Variants in SEC14L1 observed in about 807,000 individuals in gnomAD.
SEC14L1 encodes SEC14 like lipid binding 1.
A neutral mutation model predicts 85.3 loss-of-function variants in SEC14L1; 48 were observed. The observed-to-expected ratio is 0.56, with a 90% CI of 0.45 to 0.72. The LOEUF is 0.72. Among genes scored for constraint, SEC14L1 ranks in the 30% least tolerant of loss-of-function variants. The pLI is 0.00. For missense variants in SEC14L1, 682 were observed against 921.4 expected (o/e 0.74, Z 3.36); for synonymous variants, 391 against 355.5 (o/e 1.10, Z -1.12).
At chr17:77,143,792 A>G in intron 3 of SEC14L1, 133 bp downstream of exon 3, 1 of 657,232 alleles carries the variant, frequency 1.5e-6, no homozygotes, top group East Asian at 2.8e-5. Context: ...ATGCTTATGA[A>G]CCGTATCTAG....
intron 3 of SEC14L1, among the ~76,000 whole-genome samples, chr17:77,167,740 G>A (rs1219856512): frequency 6.6e-5 from 10 of 152,292 alleles, no homozygotes; most frequent in Admixed American, 4.6e-4. Flanking sequence ...TGAGCAAGGC[G>A]GGAAGTTTTA....
Position 77,144,164 on chromosome 17 carries a change from A to C in SEC14L1, c.63+505A>C, listed in dbSNP as rs1973173695. On this transcript the variant is annotated intron_variant, in intron 3 of 16. Transcript: ENST00000436233. ...GAATTTGGCTGAAAATAAGCATTTT[A>C]CTAGATGCAAAGCAAACCTTTTCCA... Among the ~76,000 whole-genome samples, 4 of 152,256 alleles carry C rather than the reference A, an allele frequency of 2.6e-5. No homozygotes were observed. In the South Asian group the frequency reaches 8.3e-4, roughly 31 times the overall value.
intron 2 of SEC14L1, among the ~76,000 whole-genome samples, chr17:77,091,693 A>G (rs772839674): frequency 8.6e-5 from 13 of 151,884 alleles, no homozygotes; most frequent in Admixed American, 3.3e-4. Context: ...GGCACACAGA[A>G]CCCTTTTGCA....
At chr17:77,141,254 C>T (rs1362854994) in intron 1 of SEC14L1, 147 bp downstream of exon 1, 3 of 146,580 alleles carry the variant, frequency 2.0e-5, no homozygotes, top group Non-Finnish European at 4.6e-5. Flanking sequence ...TGCCATCGGC[C>T]CGGCACCCGA....
intron 3 of SEC14L1, among the ~76,000 whole-genome samples, chr17:77,168,510 A>G (rs549926209): frequency 9.4e-4 from 143 of 152,314 alleles, no homozygotes; most frequent in Admixed American, 2.4e-3. Context: ...GTTAATATTG[A>G]AGTCATAATC....
chr17:77,203,665 G>T lies in SEC14L1; in HGVS notation c.1098+7G>T, dbSNP rs751865226. 6.2e-7 allele frequency: 1 copy of T among 1,608,524 alleles called. No individual in the cohort carries two copies. Among genetic ancestry groups the T allele is most frequent in the South Asian group, 1.1e-5 (1 of 90,200 alleles). On this transcript the variant is annotated splice_region_variant and intron_variant, in intron 10 of 16. Coordinates refer to ENST00000436233, the MANE Select transcript of SEC14L1 (RefSeq NM_001143998.2). ...GGAAGCCCTGCTGAGATACGTAAGT[G>T]CGCGGCTGCGAGACTCCAGGTGCCA...
intron 3 of SEC14L1, among the ~76,000 whole-genome samples, chr17:77,181,561 A>G (rs1434922193): frequency 6.6e-6 from 1 of 152,188 alleles, no homozygotes; most frequent in African/African-American, 2.4e-5. Context: ...ACAGTCATGC[A>G]CCACCATGCC....
intron 8 of SEC14L1, chr17:77,199,131 A>G (rs965283023): frequency 2.0e-5 from 3 of 151,426 alleles, no homozygotes; most frequent in Admixed American, 2.0e-4. Flanking sequence ...CAGCCTCCCA[A>G]GTAGCTGGGA....
chr17:77,100,082 T>C (rs1971732414), intron 3 of SEC14L1, among the ~76,000 whole-genome samples: 1 of 152,236 alleles, frequency 6.6e-6, no homozygotes, highest in African/African-American at 2.4e-5. Flanking sequence ...CCATTTTCCA[T>C]TCCTTCAGCT....
At chr17:77,121,574 A>T (rs551480803) in intron 3 of SEC14L1, among the ~76,000 whole-genome samples, 1 of 151,884 alleles carries the variant, frequency 6.6e-6, no homozygotes, top group African/African-American at 2.4e-5. Context: ...GGCCAGGATG[A>T]TCTCAATCTC....
chr17:77,205,030 G>C (rs2143155810), intron 10 of SEC14L1, among the ~76,000 whole-genome samples: 1 of 152,314 alleles, frequency 6.6e-6, no homozygotes, highest in East Asian at 1.9e-4. Flanking sequence ...ATACCTCTGT[G>C]CTTCACTTTG....
At chr17:77,165,890 C>G (rs961725850) in intron 3 of SEC14L1, among the ~76,000 whole-genome samples, 15 of 152,098 alleles carry the variant, frequency 9.9e-5, no homozygotes, top group Non-Finnish European at 1.5e-5. Context: ...TTATTTGGTG[C>G]ATTTCCAAAG....
At chr17:77,155,503 G>A (rs1973766718) in intron 3 of SEC14L1, among the ~76,000 whole-genome samples, 1 of 152,138 alleles carries the variant, frequency 6.6e-6, no homozygotes, top group Non-Finnish European at 1.5e-5. Flanking sequence ...CTGGTGCCCA[G>A]ATGGGAGCTG....
At chr17:77,197,448 C>A (rs1394679981) in intron 8 of SEC14L1, among the ~76,000 whole-genome samples, 1 of 152,094 alleles carries the variant, frequency 6.6e-6, no homozygotes, top group African/African-American at 2.4e-5. Context: ...TTTTTGTATT[C>A]TTTTTCTTTA....
chr17:77,146,726 A>ACG (rs1820791796), intron 3 of SEC14L1, among the ~76,000 whole-genome samples: 1 of 152,054 alleles, frequency 6.6e-6, no homozygotes, highest in African/African-American at 2.4e-5. Context: ...ACACAGACGC[A>ACG]CACACACGCA....
chr17:77,130,582 C>CA (rs1164860159), intron 3 of SEC14L1, among the ~76,000 whole-genome samples: 2 of 151,996 alleles, frequency 1.3e-5, no homozygotes, highest in Non-Finnish European at 2.9e-5. Context: ...CTCGACCTCC[C>CA]AAAGTGCTGG....
Position 77,203,625 on chromosome 17 carries a change from G to T in SEC14L1, c.1065G>T (p.Val355=). 1 of 1,613,822 alleles carries T rather than the reference G, an allele frequency of 6.2e-7. No individual in the cohort carries two copies. The highest frequency in any genetic ancestry group is 1.1e-5 in the South Asian group (1 of 91,020). ...RLGQMDTKGL[V]RALGEEALLR... ...GGCAGATGGACACCAAAGGCTTGGT[G>T]AGAGCGCTCGGGGAGGAAGCCCTGC... The change falls in exon 10 of 17, where the codon GTG becomes GTT. Residue 355 remains valine (V), a synonymous_variant. Transcript: ENST00000436233.
Position 77,206,364 on chromosome 17 carries a change from G to A in SEC14L1, c.1305G>A (p.Leu435=), listed in dbSNP as rs1976462779. 6.2e-7 allele frequency: 1 copy of A among 1,614,136 alleles called. No homozygotes were observed. Among genetic ancestry groups the A allele is most frequent in the South Asian group, 1.1e-5 (1 of 91,082 alleles). The part of the protein sequence containing the change: ...YPETLGRLLI[L]RAPRVFPVLW... ...AGACACTGGGCCGCCTTCTCATCCT[G>A]CGGGCGCCCAGGGTATTTCCTGTGC... The change falls in exon 12 of 17, where the codon CTG becomes CTA. Residue 435 remains leucine, a synonymous_variant. Coordinates refer to ENST00000436233, the MANE Select transcript of SEC14L1 (RefSeq NM_001143998.2). The surrounding 1 kb of genome is among the most constrained non-coding windows in gnomAD (Gnocchi z 4.3).
chr17:77,154,129 A>G (rs962362781), intron 3 of SEC14L1, among the ~76,000 whole-genome samples: 3 of 152,230 alleles, frequency 2.0e-5, no homozygotes, highest in African/African-American at 7.2e-5. Context: ...CTATTTACAT[A>G]GCATTTACAT....
Sources: allele counts gnomAD v4.1 joint callset (sites outside exome capture counted in the v4.1 genomes callset), GRCh38; gene constraint gnomAD v4.1.1; non-coding constraint Gnocchi (gnomAD v3.1); transcripts MANE v1.5; gene names NCBI Gene and HGNC (gene_info 2026-07-23, HGNC 2026-07-21).